The following EXOSC10 variants were observed in gnomAD, a reference collection of about 807,000 sequenced individuals.
EXOSC10 encodes exosome component 10.
EXOSC10 carries 94 observed loss-of-function variants against 126.6 expected under a neutral mutation model. That is an observed-to-expected ratio of 0.74 (90% CI 0.63 to 0.88). The LOEUF is 0.88. Ranked by LOEUF, EXOSC10 falls within the 40% of genes least tolerant of loss-of-function variation. EXOSC10 has a pLI of 0.00. For synonymous variants in EXOSC10, 395 were observed against 400.8 expected (o/e 0.99, Z 0.17); for missense variants, 1,041 against 1,100.5 (o/e 0.95, Z 0.77).
chr1:11,070,780 GA>G, intron 21 of EXOSC10, 119 bp downstream of exon 21: 1 of 849,794 alleles, frequency 1.2e-6, no homozygotes, highest in South Asian at 1.7e-5. Context: ...AGGTGAACCG[GA>G]AAGAAGTCAG....
chr1:11,091,528 C>A lies in EXOSC10; in HGVS notation c.442G>T (p.Val148Phe), dbSNP rs1302001919. 2.5e-6 allele frequency: 4 copies of A among 1,614,040 alleles called. No homozygotes were observed. Among genetic ancestry groups the A allele is most frequent in the African/African-American group, 2.7e-5 (2 of 74,916 alleles). The part of the protein sequence containing the change: ...QQPVLPAGLQ[V>F]PKTVVSSWNR... Reference sequence around the variant, plus strand: ...CAGCTGGACACTACCGTTTTGGGGACCTGCAAGCCGGCAGGGAGGACAGGC... The same window carrying A: ...CAGCTGGACACTACCGTTTTGGGGAACTGCAAGCCGGCAGGGAGGACAGGC... Residue 148 changes from valine to phenylalanine, a missense_variant, in exon 4 of 25, where the codon GTC (valine) becomes TTC (phenylalanine). Val to Phe is a conservative substitution (Grantham distance 50). This residue lies in a region of EXOSC10 where 645 missense variants were observed against 656.3 expected (regional missense o/e 0.98). Coordinates refer to ENST00000376936, the MANE Select transcript of EXOSC10 (RefSeq NM_001001998.3).
At position 11,087,824 on chromosome 1, in the gene EXOSC10, A is replaced by T; in HGVS notation, c.921T>A (p.Cys307Ter). Reference sequence around the variant, plus strand: ...CCTCCAAGTCAACTGCAAATTCCTGACAATTCAAGAGCTTTTCGTTGAGTT... The same window carrying T: ...CCTCCAAGTCAACTGCAAATTCCTGTCAATTCAAGAGCTTTTCGTTGAGTT... Reference protein sequence around the residue: ...LVELNEKLLNCQEFAVDLEHH... With the variant: ...LVELNEKLLN Residue 307 changes from cysteine (C) to a stop codon, truncating the protein, a stop_gained, in exon 8 of 25, where the codon TGT (cysteine) becomes TGA (stop). Transcript: ENST00000376936. LOFTEE classifies it high-confidence loss of function. 6.2e-7 allele frequency: 1 copy of T among 1,612,856 alleles called. No homozygotes were observed. Among genetic ancestry groups the T allele is most frequent in the East Asian group, 2.2e-5 (1 of 44,868 alleles).
At chr1:11,070,084 A>G (rs1770346) in intron 21 of EXOSC10, among the ~76,000 whole-genome samples, 1 of 151,916 alleles carries the variant, frequency 6.6e-6, no homozygotes, top group Admixed American at 6.6e-5. Context: ...AAAAAGAAAC[A>G]AATGTAGCTG....
In EXOSC10 at chr1:11,085,502, A is replaced by T. The variant is rs557504072; in HGVS notation, c.1089+1946T>A. Among the ~76,000 whole-genome samples the T allele has an allele frequency of 2.0e-3, 310 of 152,314 alleles. 2 individuals carry two copies. Among genetic ancestry groups the T allele is most frequent in the African/African-American group, 7.2e-3 (300 of 41,564 alleles). ...TGAGACTTTGCTGAAGTTGCTTATC[A>T]GCTTAAGGAGATTTTGGGCTGAGAC... On this transcript the variant is annotated intron_variant, in intron 9 of 24. Coordinates refer to ENST00000376936, the MANE Select transcript of EXOSC10 (RefSeq NM_001001998.3).
Position 11,069,689 on chromosome 1 carries a change from G to T in EXOSC10, c.2358C>A (p.Asp786Glu). The change falls in exon 22 of 25, where the codon GAC (aspartate) becomes GAA (glutamate). Residue 786 changes from aspartate to glutamate, a missense_variant. Coordinates refer to ENST00000376936, the MANE Select transcript of EXOSC10 (RefSeq NM_001001998.3). ...CTTGTTTCTGTTCTGTGGTCCTTGGGTCGCTTGTTGCTCGCTCTCTCTTCT... is the reference window on the plus strand; with the variant it reads ...CTTGTTTCTGTTCTGTGGTCCTTGGTTCGCTTGTTGCTCGCTCTCTCTTCT... ...AAKKRERATS[D>E]PRTTEQKQEK... 3 of 1,614,068 alleles carry T rather than the reference G, an allele frequency of 1.9e-6. No individual in the cohort carries two copies. Among genetic ancestry groups the T allele is most frequent in the Middle Eastern group, 1.7e-4 (1 of 6,060 alleles).
At chr1:11,067,293 A>G (rs11121687) in intron 24 of EXOSC10, among the ~76,000 whole-genome samples, 91,761 of 151,932 alleles carry the variant, frequency 0.6, 31,047 homozygotes, top group East Asian at 0.79. Flanking sequence ...TTAGCCGGGC[A>G]TCATGGCGGG....
At chr1:11,084,608 T>C (rs1228786031) in intron 9 of EXOSC10, among the ~76,000 whole-genome samples, 2 of 152,354 alleles carry the variant, frequency 1.3e-5, no homozygotes, top group East Asian at 3.9e-4. Flanking sequence ...TCTTTTGCTG[T>C]GCAGAAGCTC....
chr1:11,099,648 C>T (rs1168571805), intron 1 of EXOSC10, 73 bp downstream of exon 1: 19 of 1,420,316 alleles, frequency 1.3e-5, no homozygotes, highest in Non-Finnish European at 1.8e-5. Context: ...CGGGCATTGG[C>T]TGCCCAGAGG....
chr1:11,095,988 C>A, intron 2 of EXOSC10, 107 bp from the exon 3 acceptor site: 35 of 894,352 alleles, frequency 3.9e-5, no homozygotes, highest in Non-Finnish European at 4.8e-5. Flanking sequence ...CCCAACACAT[C>A]TTTTTTTTTT....
chr1:11,076,449 C>T (rs982346651), intron 17 of EXOSC10, among the ~76,000 whole-genome samples: 1 of 152,208 alleles, frequency 6.6e-6, no homozygotes, highest in East Asian at 1.9e-4. Flanking sequence ...GTTCATCGGA[C>T]AGTACACCCA....
At chr1:11,068,343 A>G (rs1639236638) in intron 23 of EXOSC10, 4 of 587,048 alleles carry the variant, frequency 6.8e-6, no homozygotes, top group Non-Finnish European at 1.2e-5. Flanking sequence ...CAGCACCAAC[A>G]CCCACGAGGG....
At position 11,080,918 on chromosome 1, in the gene EXOSC10, A is replaced by G. The variant is rs370886291; in HGVS notation, c.1438-6T>C. 283 of 1,602,980 alleles carry G rather than the reference A, an allele frequency of 1.8e-4. 1 individual carries two copies. The highest frequency in any genetic ancestry group is 2.4e-4 in the Non-Finnish European group (277 of 1,176,006). On this transcript the variant is annotated splice_polypyrimidine_tract_variant and splice_region_variant and intron_variant, in intron 11 of 24. Transcript: ENST00000376936. ...AAGATAGGTTTGATGAATTTCTACA[A>G]AGTATTAGAGAACATTCAAAATCAA...
intron 4 of EXOSC10, 104 bp from the exon 5 acceptor site, chr1:11,091,283 C>A: frequency 8.7e-7 from 1 of 1,154,572 alleles, no homozygotes. Flanking sequence ...TCGCAAAGGT[C>A]ATTCATTCAT....
In EXOSC10 at chr1:11,095,650, C is replaced by A. The variant is rs1641041653; in HGVS notation, c.372+108G>T. On this transcript the variant is annotated intron_variant, in intron 3 of 24. Coordinates refer to ENST00000376936, the MANE Select transcript of EXOSC10 (RefSeq NM_001001998.3). The stretch of plus-strand genomic sequence containing the variant: ...AGTGTTGTGAACCCGGGAGGCAGAG[C>A]TTGCAGTGAGTCGAGATCGCATCAC... 4 of 1,007,090 alleles carry A rather than the reference C, an allele frequency of 4.0e-6. No individual in the cohort carries two copies. In the South Asian group the frequency reaches 5.8e-5, roughly 15 times the overall value. The allele number at this position is 1,007,090 out of a possible 1,614,324, so 62.4% of individuals were successfully genotyped here.
rs1557705046 is a variant in EXOSC10 at position 11,081,066 on chromosome 1, T to A, written c.1437+16A>T. On this transcript the variant is annotated intron_variant, in intron 11 of 24. Coordinates refer to ENST00000376936, the MANE Select transcript of EXOSC10 (RefSeq NM_001001998.3). ...GCCCAAGTGTCGCGGTCTGTGTGAC[T>A]GCGGCTGAGGTGTACCTTGAGGCAG... The A allele has an allele frequency of 6.2e-7, 1 of 1,613,586 alleles. No individual in the cohort carries two copies.
intron 10 of EXOSC10, among the ~76,000 whole-genome samples, 163 bp from the exon 11 acceptor site, chr1:11,081,401 A>G (rs1210586333): frequency 6.6e-6 from 1 of 152,246 alleles, no homozygotes; most frequent in African/African-American, 2.4e-5. Flanking sequence ...TTAACATGAT[A>G]AACCATTATT....
chr1:11,087,898 T>G lies in EXOSC10; in HGVS notation c.847A>C (p.Ile283Leu), dbSNP rs1219381244. The G allele has an allele frequency of 1.9e-6, 3 of 1,599,398 alleles. No homozygotes were observed. Among genetic ancestry groups the G allele is most frequent in the African/African-American group, 2.7e-5 (2 of 74,550 alleles). The change falls in exon 8 of 25, where the codon ATA becomes CTA. Residue 283 changes from isoleucine (I) to leucine (L), a missense_variant. This residue lies in a region of EXOSC10 where 645 missense variants were observed against 656.3 expected (regional missense o/e 0.98). Transcript: ENST00000376936. Reference sequence around the variant, plus strand: ...ATGAAATGGCATGGTGTCTCTTCTATAGGTCTGTATAACTGGATCAAGAGA... The same window carrying G: ...ATGAAATGGCATGGTGTCTCTTCTAGAGGTCTGTATAACTGGATCAAGAGA... ...QKPQPQLYRP[I>L]EETPCHFISS... is the part of the protein sequence containing the mutation.
At chr1:11,080,735 A>T (rs764212747) in intron 12 of EXOSC10, 29 bp downstream of exon 12, 51 of 1,613,376 alleles carry the variant, frequency 3.2e-5, no homozygotes, top group Non-Finnish European at 4.3e-5. Context: ...GTCTGGAAAC[A>T]AGTATTAAAA....
chr1:11,068,097 G>A lies in EXOSC10; in HGVS notation c.2551-13C>T, dbSNP rs1345947920. 6.2e-7 allele frequency: 1 copy of A among 1,613,594 alleles called. No individual in the cohort carries two copies. Among genetic ancestry groups the A allele is most frequent in the African/African-American group, 1.3e-5 (1 of 75,048 alleles). On this transcript the variant is annotated splice_polypyrimidine_tract_variant and intron_variant, in intron 23 of 24. Transcript: ENST00000376936. The stretch of plus-strand genomic sequence containing the variant: ...CTGCAATGCATTTCTGAAAAGAAAA[G>A]AAACCGTTTAAGCTGGGTGGGCACC...
Sources: gnomAD v4.1 joint callset for allele counts (sites outside exome capture counted in the v4.1 genomes callset) on GRCh38, gnomAD v4.1.1 for gene constraint, gnomAD v4.1.1 regional missense constraint, MANE v1.5 for transcripts, NCBI Gene and HGNC (gene_info 2026-07-23, HGNC 2026-07-21) for gene names.